The following NEK10 variants were observed in gnomAD, a reference collection of about 807,000 sequenced individuals.
NEK10 encodes serine/threonine-protein kinase Nek10.
In NEK10, 122 loss-of-function variants were observed where a neutral mutation model predicts 159.8. That is an observed-to-expected ratio of 0.76 (90% confidence interval 0.66 to 0.89). NEK10 has a LOEUF of 0.89. NEK10 is among the 40% of genes least tolerant of loss of function. The pLI is 0.00. For missense variants in NEK10, 1,342 were observed against 1,323.1 expected, an observed-to-expected ratio of 1.01 and a Z score of -0.22; for synonymous variants, 466 against 457.1, an observed-to-expected ratio of 1.02 and a Z score of -0.25.
At chr3:27,253,118 G>A (rs981476832) in intron 23 of NEK10, among the ~76,000 whole-genome samples, 1 of 151,962 alleles carries the variant, frequency 6.6e-6, no homozygotes, top group Non-Finnish European at 1.5e-5. Flanking sequence ...CCAATTTAAA[G>A]TTCATGAGCT....
intron 5 of NEK10, among the ~76,000 whole-genome samples, chr3:27,331,260 A>C (rs79484461): frequency 2.6e-4 from 36 of 140,048 alleles, no homozygotes; most frequent in Non-Finnish European, 3.5e-4. Context: ...ACAAAAAAAA[A>C]AAACACACAA....
intron 13 of NEK10, among the ~76,000 whole-genome samples, chr3:27,300,197 G>C (rs531692704): frequency 1.3e-5 from 2 of 152,286 alleles, no homozygotes; most frequent in African/African-American, 4.8e-5. Flanking sequence ...ATTGAATTAT[G>C]GGGGTGGGTC....
Position 27,304,732 on chromosome 3 carries a change from C to A in NEK10, c.1028+15G>T, listed in dbSNP as rs150340500. ...ACAAACAGGGCAAAGTAGGCCAAAGCCCACTTTTACTCACCCTTGTAAAAT... is the reference window on the plus strand; with the variant it reads ...ACAAACAGGGCAAAGTAGGCCAAAGACCACTTTTACTCACCCTTGTAAAAT... On this transcript the variant is annotated intron_variant, in intron 12 of 35. Coordinates refer to ENST00000691995, the MANE Select transcript of NEK10 (RefSeq NM_001394966.1). The A allele has an allele frequency of 9.1e-4, 1,433 of 1,569,478 alleles. 3 individuals carry two copies. In the African/African-American group the frequency reaches 0.015, roughly 17 times the overall value.
chr3:27,261,654 A>G (rs1311256528), intron 22 of NEK10, among the ~76,000 whole-genome samples: 3 of 152,166 alleles, frequency 2.0e-5, no homozygotes, highest in Non-Finnish European at 4.4e-5. Context: ...TATGTGGTCA[A>G]TTTTGGAATA....
At chr3:27,213,721 T>A (rs993561190) in intron 23 of NEK10, among the ~76,000 whole-genome samples, 1 of 152,174 alleles carries the variant, frequency 6.6e-6, no homozygotes, top group Non-Finnish European at 1.5e-5. Flanking sequence ...GGACTGATCT[T>A]TGTAGGAATA....
chr3:27,194,476 A>G (rs1487760688), intron 25 of NEK10: 1 of 152,186 alleles, frequency 6.6e-6, no homozygotes, highest in Non-Finnish European at 1.5e-5. Flanking sequence ...ATTGTCTACC[A>G]ATGATTCTGT....
At chr3:27,185,594 T>G (rs1948540363) in intron 26 of NEK10, among the ~76,000 whole-genome samples, 1 of 152,194 alleles carries the variant, frequency 6.6e-6, no homozygotes, top group African/African-American at 2.4e-5. Flanking sequence ...ATTTTGCACT[T>G]GCCTCGTCAG....
At chr3:27,367,281 C>G (rs2049166547) in intron 1 of NEK10, among the ~76,000 whole-genome samples, 1 of 152,156 alleles carries the variant, frequency 6.6e-6, no homozygotes, top group African/African-American at 2.4e-5. Context: ...ATGTGTTACA[C>G]AATTAAAATG....
intron 23 of NEK10, among the ~76,000 whole-genome samples, chr3:27,207,578 C>T (rs1343677169): frequency 6.6e-6 from 1 of 152,096 alleles, no homozygotes; most frequent in Non-Finnish European, 1.5e-5. Flanking sequence ...AGACTTACTA[C>T]TGTAAGTCTA....
intron 23 of NEK10, among the ~76,000 whole-genome samples, chr3:27,235,468 C>G (rs957115804): frequency 6.6e-6 from 1 of 152,106 alleles, no homozygotes; most frequent in Admixed American, 6.6e-5. Flanking sequence ...TGAACAAACA[C>G]TTTTCAGAAG....
intron 22 of NEK10, among the ~76,000 whole-genome samples, chr3:27,268,005 A>G (rs1226973774): frequency 6.6e-6 from 1 of 152,228 alleles, no homozygotes; most frequent in Non-Finnish European, 1.5e-5. Context: ...CTTATTGCTG[A>G]TAAAGAGAAA....
At chr3:27,250,441 C>T (rs190131741) in intron 23 of NEK10, among the ~76,000 whole-genome samples, 1,746 of 152,248 alleles carry the variant, frequency 0.011, 14 homozygotes, top group Non-Finnish European at 0.02. Context: ...CTGCCTTGGT[C>T]TCCCAAAGTG....
At chr3:27,125,148 C>A (rs925988403) in intron 32 of NEK10, among the ~76,000 whole-genome samples, 7 of 152,054 alleles carry the variant, frequency 4.6e-5, no homozygotes, top group African/African-American at 1.4e-4. Context: ...CCTCTCCCCC[C>A]AAAAAACACT....
At chr3:27,350,163 A>G (rs2047868078) in intron 3 of NEK10, among the ~76,000 whole-genome samples, 1 of 152,188 alleles carries the variant, frequency 6.6e-6, no homozygotes, top group South Asian at 2.1e-4. Flanking sequence ...CCTTAATCAC[A>G]GGTTTCACTT....
At chr3:27,281,854 G>A (rs2042183410) in intron 22 of NEK10, among the ~76,000 whole-genome samples, 1 of 152,076 alleles carries the variant, frequency 6.6e-6, no homozygotes, top group Non-Finnish European at 1.5e-5. Flanking sequence ...AACAAAAGTG[G>A]GAGTACTTAT....
At chr3:27,245,006 G>A (rs1317041647) in intron 23 of NEK10, among the ~76,000 whole-genome samples, 1 of 152,062 alleles carries the variant, frequency 6.6e-6, no homozygotes, top group East Asian at 1.9e-4. Context: ...CCTTGGTACT[G>A]TCACTCAACC....
chr3:27,307,650 C>T (rs1230823561), intron 11 of NEK10, among the ~76,000 whole-genome samples: 1 of 152,136 alleles, frequency 6.6e-6, no homozygotes, highest in East Asian at 1.9e-4. Flanking sequence ...AGCTTCTATG[C>T]CCAGATCTAG....
intron 32 of NEK10, among the ~76,000 whole-genome samples, chr3:27,120,533 T>C (rs1253242622): frequency 6.6e-6 from 1 of 151,912 alleles, no homozygotes; most frequent in Non-Finnish European, 1.5e-5. Context: ...TTTCACCATG[T>C]TGGCCAGGCT....
At chr3:27,159,183 C>T (rs1210081289) in intron 30 of NEK10, among the ~76,000 whole-genome samples, 1 of 152,144 alleles carries the variant, frequency 6.6e-6, no homozygotes, top group East Asian at 1.9e-4. Flanking sequence ...CAGTATCGTG[C>T]AAGTATGTTT....
Sources: gnomAD v4.1 joint callset for allele counts (sites outside exome capture counted in the v4.1 genomes callset) on GRCh38, gnomAD v4.1.1 for gene constraint, MANE v1.5 for transcripts, NCBI Gene and HGNC (gene_info 2026-07-23, HGNC 2026-07-21) for gene names.